The following TBC1D4 variants were observed in gnomAD, a reference collection of about 807,000 sequenced individuals.
TBC1D4 encodes TBC (Tre-2, BUB2, CDC16) domain-containing protein.
Under a neutral mutation model 142.5 loss-of-function variants are expected in TBC1D4, and 121 were observed. The ratio of observed to expected loss-of-function variants is 0.85; its 90% CI spans 0.73 to 0.99. The LOEUF (loss-of-function observed/expected upper bound fraction) is 0.99, where lower values mean the gene tolerates loss of function less well. Ranked by LOEUF, TBC1D4 falls within the 50% of genes least tolerant of loss-of-function variation. The pLI is 0.00. For missense variants in TBC1D4, 1,475 were observed against 1,606.6 expected (o/e 0.92, Z 1.40); for synonymous variants, 630 against 628.2 (o/e 1.00, Z -0.04).
intron 1 of TBC1D4, among the ~76,000 whole-genome samples, chr13:75,396,866 A>G (rs1287280235): frequency 1.3e-5 from 2 of 152,280 alleles, no homozygotes; most frequent in South Asian, 2.1e-4. Flanking sequence ...ACATTTTCAG[A>G]TGAGAAAAAA....
chr13:75,462,018 C>G (rs1887989965), intron 1 of TBC1D4, among the ~76,000 whole-genome samples: 1 of 152,132 alleles, frequency 6.6e-6, no homozygotes, highest in African/African-American at 2.4e-5. Flanking sequence ...TAGCCTCAAC[C>G]AATATTTGCT....
At chr13:75,441,420 A>AT (rs1181610612) in intron 1 of TBC1D4, among the ~76,000 whole-genome samples, 1 of 152,240 alleles carries the variant, frequency 6.6e-6, no homozygotes, top group African/African-American at 2.4e-5. Flanking sequence ...ACCAAAAAAA[A>AT]GAAACCTAAT....
At chr13:75,395,909 G>A (rs1452263716) in intron 1 of TBC1D4, among the ~76,000 whole-genome samples, 1 of 152,172 alleles carries the variant, frequency 6.6e-6, no homozygotes, top group East Asian at 1.9e-4. Flanking sequence ...GCAGTAAGTT[G>A]TTGTGCCCCT....
intron 1 of TBC1D4, among the ~76,000 whole-genome samples, chr13:75,465,242 A>G (rs2138299816): frequency 6.6e-6 from 1 of 152,286 alleles, no homozygotes; most frequent in East Asian, 1.9e-4. Context: ...TTTTTCACTT[A>G]GTTTTGTCCC....
At chr13:75,428,773 G>T (rs17064435) in intron 1 of TBC1D4, among the ~76,000 whole-genome samples, 2,296 of 152,280 alleles carry the variant, frequency 0.015, 60 homozygotes, top group African/African-American at 0.053. Flanking sequence ...GAGGCTTGCC[G>T]CAAACATAAA....
intron 1 of TBC1D4, among the ~76,000 whole-genome samples, chr13:75,391,905 T>A (rs1248390722): frequency 6.6e-6 from 1 of 152,174 alleles, no homozygotes; most frequent in Non-Finnish European, 1.5e-5. Flanking sequence ...ACTCACCTGT[T>A]GTCTTTCCAG....
chr13:75,419,253 A>G (rs1886059004), intron 1 of TBC1D4, among the ~76,000 whole-genome samples: 1 of 152,148 alleles, frequency 6.6e-6, no homozygotes, highest in Non-Finnish European at 1.5e-5. Flanking sequence ...GCAATCTAAG[A>G]GGTGTCTTTA....
intron 1 of TBC1D4, among the ~76,000 whole-genome samples, chr13:75,440,690 G>T (rs1207989386): frequency 6.6e-6 from 1 of 151,582 alleles, no homozygotes; most frequent in Non-Finnish European, 1.5e-5. Flanking sequence ...AGTAGACAGG[G>T]CTACAGGCCC....
chr13:75,367,277 G>A (rs1404889473), intron 1 of TBC1D4, among the ~76,000 whole-genome samples: 4 of 152,072 alleles, frequency 2.6e-5, no homozygotes, highest in Non-Finnish European at 5.9e-5. Context: ...ACTAATTATG[G>A]ATATAAGAGA....
rs1457350757 is a variant in TBC1D4, at chr13:75,336,996, T to A, written c.1656A>T (p.Gly552=). The change falls in exon 8 of 21, where the codon GGA becomes GGT. Residue 552 remains glycine, a synonymous_variant. Transcript: ENST00000377636. ...TTTTCAGAATGTCAAGTTTGAACCTTCCACTGCTTGTTGCATTTTCTGGGA... is the reference window on the plus strand; with the variant it reads ...TTTTCAGAATGTCAAGTTTGAACCTACCACTGCTTGTTGCATTTTCTGGGA... ...STIPENATSS[G]RFKLDILKNK... 1.2e-6 allele frequency: 2 copies of A among 1,613,374 alleles called. No individual in the cohort carries two copies. The highest frequency in any genetic ancestry group is 1.7e-6 in the Non-Finnish European group (2 of 1,179,632).
At chr13:75,458,643 TA>T (rs1167354150) in intron 1 of TBC1D4, among the ~76,000 whole-genome samples, 3 of 152,230 alleles carry the variant, frequency 2.0e-5, no homozygotes, top group Non-Finnish European at 4.4e-5. Context: ...CAACTCTATT[TA>T]ATGTATACCC....
At position 75,341,167 on chromosome 13, in the gene TBC1D4, T is replaced by G. The variant is rs201972898; in HGVS notation, c.1569A>C (p.Glu523Asp). 3,962 of 1,613,574 alleles carry G rather than the reference T, an allele frequency of 2.5e-3. 12 individuals are homozygous for G. Among genetic ancestry groups the G allele is most frequent in the Non-Finnish European group, 3.1e-3 (3,658 of 1,179,892 alleles). The change falls in exon 7 of 21, where the codon GAA (glutamate) becomes GAC (aspartate). Residue 523 changes from glutamate to aspartate, a missense_variant. Around this residue, in one of 2 missense-constraint regions of TBC1D4, gnomAD observed 1,227 missense variants for 1,267.7 expected, o/e 0.97. Coordinates refer to ENST00000377636, the MANE Select transcript of TBC1D4 (RefSeq NM_014832.5). Reference protein sequence around the residue: ...LVILHLRQLCEAKQKTHVHIG... With the variant: ...LVILHLRQLCDAKQKTHVHIG... ...TGTGCACGTGTGTCTTCTGCTTGGC[T>G]TCACACAGCTGCCTCAGGTGTAAAA...
chr13:75,481,636 C>T lies in TBC1D4; in HGVS notation c.132G>A (p.Ser44=), dbSNP rs1214696913. 6.2e-7 allele frequency: 1 copy of T among 1,606,642 alleles called. No individual in the cohort carries two copies. The highest frequency in any genetic ancestry group is 8.5e-7 in the Non-Finnish European group (1 of 1,176,658). The part of the protein sequence containing the change: ...KRFRLWYVGG[S]CLDHRTTLPM... ...GCAGCGTGGTCCTGTGGTCCAGGCACGACCCCCCAACGTACCACAGCCGGA... is the reference window on the plus strand; with the variant it reads ...GCAGCGTGGTCCTGTGGTCCAGGCATGACCCCCCAACGTACCACAGCCGGA... Residue 44 remains serine (S), a synonymous_variant, in exon 1 of 21, where the codon TCG becomes TCA. Coordinates refer to ENST00000377636, the MANE Select transcript of TBC1D4 (RefSeq NM_014832.5).
In TBC1D4 at chr13:75,456,810, G is replaced by A. The variant is rs991023598; in HGVS notation, c.498+24460C>T. Among the ~76,000 whole-genome samples, 4 of 150,414 alleles carry A rather than the reference G, an allele frequency of 2.7e-5. No homozygotes were observed. The East Asian group carries it at 7.7e-4, about 29-fold the overall frequency. The stretch of plus-strand genomic sequence containing the variant: ...TCCTAGGCATATATGCAATAGAAAT[G>A]ATAGCCTACGTCCACCAAAAGACAT... On this transcript the variant is annotated intron_variant, in intron 1 of 20. Transcript: ENST00000377636.
intron 1 of TBC1D4, among the ~76,000 whole-genome samples, chr13:75,364,956 G>A (rs938039270): frequency 2.6e-5 from 4 of 152,112 alleles, no homozygotes; most frequent in Admixed American, 2.0e-4. Context: ...CTACAATTGA[G>A]ATTGCACATA....
At position 75,385,476 on chromosome 13, in the gene TBC1D4, A is replaced by G. The variant is rs535957352; in HGVS notation, c.499-22869T>C. Among the ~76,000 whole-genome samples, 95 of 152,368 alleles carry G rather than the reference A, an allele frequency of 6.2e-4. 1 individual carries two copies. In the South Asian group the frequency reaches 0.015, roughly 24 times the overall value. On this transcript the variant is annotated intron_variant, in intron 1 of 20. Transcript: ENST00000377636. ...GTTTTCATATGAGAAGACAGTATTA[A>G]TCAAATTAAGAGTGTCACCTGAAAA...
At chr13:75,428,109 G>A (rs983585334) in intron 1 of TBC1D4, among the ~76,000 whole-genome samples, 1 of 152,032 alleles carries the variant, frequency 6.6e-6, no homozygotes, top group Non-Finnish European at 1.5e-5. Flanking sequence ...AATCAACAGG[G>A]GACACAAAAT....
chr13:75,411,331 CTAT>C (rs1278809209), intron 1 of TBC1D4, among the ~76,000 whole-genome samples: 1 of 152,146 alleles, frequency 6.6e-6, no homozygotes, highest in South Asian at 2.1e-4. Flanking sequence ...CTCATTAATA[CTAT>C]TATTATGTCT....
intron 11 of TBC1D4, among the ~76,000 whole-genome samples, chr13:75,321,011 G>T (rs1566375710): frequency 6.6e-6 from 1 of 150,512 alleles, no homozygotes; most frequent in Non-Finnish European, 1.5e-5. Context: ...CTGCACTCCA[G>T]CCCGGGCGAC....
Sources: gnomAD v4.1 joint callset for allele counts (sites outside exome capture counted in the v4.1 genomes callset) on GRCh38, gnomAD v4.1.1 for gene constraint, gnomAD v4.1.1 regional missense constraint, MANE v1.5 for transcripts, NCBI Gene and HGNC (gene_info 2026-07-23, HGNC 2026-07-21) for gene names.